The following ENTREP2 variants were observed in gnomAD, a reference collection of about 807,000 sequenced individuals.
The protein encoded by ENTREP2 is endosomal transmembrane epsin interactor 2, also known as protein ENTREP2.
the ENTREP2 span, among the ~76,000 whole-genome samples, chr15:29,378,581 G>GGGA: frequency 6.6e-6 from 1 of 152,188 alleles, no homozygotes; most frequent in East Asian, 1.9e-4. Flanking sequence ...ACCTGCTACA[G>GGGA]GGAGGAGGGA....
chr15:29,182,028 C>T, the ENTREP2 span, among the ~76,000 whole-genome samples: 5 of 152,172 alleles, frequency 3.3e-5, 1 homozygote, highest in Admixed American at 1.3e-4. Context: ...AGAAACAAAA[C>T]TGTCGTTATT....
chr15:29,186,054 T>C, the ENTREP2 span, among the ~76,000 whole-genome samples: 29 of 152,292 alleles, frequency 1.9e-4, no homozygotes, highest in East Asian at 4.6e-3. Flanking sequence ...GGCCCCCGAA[T>C]GGGGCGGTGG....
At chr15:29,490,107 T>C in the ENTREP2 span, among the ~76,000 whole-genome samples, 1 of 152,204 alleles carries the variant, frequency 6.6e-6, no homozygotes, top group Non-Finnish European at 1.5e-5. Flanking sequence ...GCGGAATTGG[T>C]GGGTTCTCGG....
At chr15:29,557,103 G>A in the ENTREP2 span, among the ~76,000 whole-genome samples, 4 of 152,164 alleles carry the variant, frequency 2.6e-5, no homozygotes, top group Non-Finnish European at 4.4e-5. Context: ...CTCAAACACT[G>A]CCGGTCATGT....
chr15:29,568,840 G>A, the ENTREP2 span, among the ~76,000 whole-genome samples: 1 of 152,008 alleles, frequency 6.6e-6, no homozygotes, highest in East Asian at 1.9e-4. Context: ...GGGATGATGT[G>A]CATTTTTCAC....
At chr15:29,330,282 CAA>C in the ENTREP2 span, among the ~76,000 whole-genome samples, 17 of 112,780 alleles carry the variant, frequency 1.5e-4, no homozygotes, top group South Asian at 8.6e-4. Context: ...ACTAAAAATA[CAA>C]AAAAAAAAAA....
the ENTREP2 span, among the ~76,000 whole-genome samples, chr15:29,651,498 C>T: frequency 3.3e-5 from 5 of 152,222 alleles, no homozygotes; most frequent in South Asian, 2.1e-4. Flanking sequence ...GCTGAAGCCC[C>T]GCCCTCCCTG....
the ENTREP2 span, among the ~76,000 whole-genome samples, chr15:29,256,795 T>TG: frequency 6.6e-6 from 1 of 152,204 alleles, no homozygotes; most frequent in Non-Finnish European, 1.5e-5. Flanking sequence ...GCATTTATTC[T>TG]GTTCCTCCAC....
At chr15:29,138,541 T>TTGTG in the ENTREP2 span, among the ~76,000 whole-genome samples, 14 of 151,356 alleles carry the variant, frequency 9.2e-5, no homozygotes, top group African/African-American at 3.4e-4. Context: ...TATGTGTGTG[T>TTGTG]TGTGTGTGTG....
chr15:29,355,711 T>C, the ENTREP2 span, among the ~76,000 whole-genome samples: 2 of 152,168 alleles, frequency 1.3e-5, no homozygotes, highest in Non-Finnish European at 2.9e-5. Context: ...TACTCTTACA[T>C]TGAAAGTAAC....
the ENTREP2 span, among the ~76,000 whole-genome samples, chr15:29,472,123 A>C: frequency 6.6e-6 from 1 of 152,166 alleles, no homozygotes; most frequent in Non-Finnish European, 1.5e-5. Flanking sequence ...GCAAAGCAGG[A>C]ATCATCATGA....
chr15:29,515,645 G>A, the ENTREP2 span, among the ~76,000 whole-genome samples: 3 of 152,192 alleles, frequency 2.0e-5, no homozygotes, highest in East Asian at 1.9e-4. Flanking sequence ...GTAATCCAGC[G>A]AGTCCTGTGT....
At chr15:29,524,818 G>A in the ENTREP2 span, among the ~76,000 whole-genome samples, 2 of 152,246 alleles carry the variant, frequency 1.3e-5, no homozygotes, top group Non-Finnish European at 2.9e-5. Flanking sequence ...ACATGGACCA[G>A]AAGAGTGTGC....
At chr15:29,237,718 A>G in the ENTREP2 span, among the ~76,000 whole-genome samples, 384 of 152,310 alleles carry the variant, frequency 2.5e-3, 1 homozygote, top group Non-Finnish European at 4.0e-3. Context: ...GGAAATGTAC[A>G]ATGGTGCAGC....
the ENTREP2 span, among the ~76,000 whole-genome samples, chr15:29,608,522 TTTATTATTATTA>T: frequency 6.4e-5 from 9 of 140,536 alleles, no homozygotes; most frequent in African/African-American, 2.1e-4. Flanking sequence ...TCCTGCCTTC[TTTATTATTATTA>T]TTATTATTAT....
the ENTREP2 span, chr15:29,151,948 C>T: frequency 3.7e-6 from 3 of 811,560 alleles, no homozygotes; most frequent in East Asian, 5.4e-5. Context: ...TGACCATCCA[C>T]TTCATGGAGG....
the ENTREP2 span, among the ~76,000 whole-genome samples, chr15:29,345,518 C>A: frequency 6.6e-6 from 1 of 152,136 alleles, no homozygotes. Context: ...TGGCCCCCTG[C>A]ACACAGGAGA....
the ENTREP2 span, among the ~76,000 whole-genome samples, chr15:29,206,507 C>T: frequency 2.0e-5 from 3 of 152,014 alleles, no homozygotes; most frequent in African/African-American, 4.8e-5. Context: ...ATGGGTGGAC[C>T]CTGATGACAT....
chr15:29,394,324 A>G, the ENTREP2 span, among the ~76,000 whole-genome samples: 1 of 152,184 alleles, frequency 6.6e-6, no homozygotes, highest in Admixed American at 6.5e-5. Context: ...TCCTTCAGAT[A>G]GTAGAGAAGA....
Sources: gnomAD v4.1 joint callset for allele counts (sites outside exome capture counted in the v4.1 genomes callset) on GRCh38, gnomAD v4.1.1 for gene constraint, MANE v1.5 for transcripts, NCBI Gene and HGNC (gene_info 2026-07-23, HGNC 2026-07-21) for gene names.